TMEM131: variants seen among roughly 807,000 people sequenced by gnomAD.
The protein encoded by TMEM131 is transmembrane protein 131, also known as 2610524E03Rik.
A neutral mutation model predicts 211.6 loss-of-function variants in TMEM131; 66 were observed. That is an observed-to-expected ratio of 0.31 (90% CI 0.26 to 0.38). TMEM131 has a LOEUF of 0.38. Among genes scored for constraint, TMEM131 ranks in the 10% least tolerant of loss-of-function variants. TMEM131 has a pLI of 1.00. For missense variants in TMEM131, 2,036 were observed against 2,299.3 expected (o/e 0.89, Z 2.34); for synonymous variants, 844 against 841.3 (o/e 1.00, Z -0.06).
chr2:97,860,839 T>G (rs1378411004), intron 4 of TMEM131, among the ~76,000 whole-genome samples: 1 of 152,192 alleles, frequency 6.6e-6, no homozygotes, highest in East Asian at 1.9e-4. Flanking sequence ...CTCACAGTAC[T>G]TGGTTTGGTT....
chr2:97,981,187 CTTTTTTAAGGTGCATAATGATCCATTA>C (rs936562927), intron 1 of TMEM131, among the ~76,000 whole-genome samples: 3 of 151,138 alleles, frequency 2.0e-5, no homozygotes, highest in African/African-American at 7.3e-5. Flanking sequence ...TTTCCTCATT[CTTTTTTAAGGTGCATAATGATCCATTA>C]TGTGGATGTA....
intron 2 of TMEM131, among the ~76,000 whole-genome samples, chr2:97,924,195 G>A (rs146937553): frequency 1.4e-4 from 21 of 152,038 alleles, no homozygotes; most frequent in African/African-American, 2.7e-4. Context: ...GGCCAGCCTG[G>A]GCAACATAGA....
chr2:97,990,511 A>G (rs572568142), intron 1 of TMEM131, among the ~76,000 whole-genome samples: 109 of 152,314 alleles, frequency 7.2e-4, no homozygotes, highest in African/African-American at 2.4e-3. Context: ...CAGCCCTATC[A>G]CGCTGGGTAT....
chr2:97,958,785 A>C (rs773653798), intron 1 of TMEM131, among the ~76,000 whole-genome samples: 1 of 152,234 alleles, frequency 6.6e-6, no homozygotes, highest in African/African-American at 2.4e-5. Context: ...CAGTACTTGA[A>C]CTTGGGGAAA....
chr2:97,967,648 G>C (rs1444125153), intron 1 of TMEM131, among the ~76,000 whole-genome samples: 1 of 152,124 alleles, frequency 6.6e-6, no homozygotes, highest in Non-Finnish European at 1.5e-5. Context: ...GTTGATAGTG[G>C]GGGGAGAGAA....
In TMEM131 at chr2:97,817,325, C is replaced by T. The variant is rs567815178; in HGVS notation, c.1183+1288G>A. Among the ~76,000 whole-genome samples the T allele has an allele frequency of 5.3e-5, 8 of 152,280 alleles. No individual in the cohort carries two copies. The East Asian group carries it at 7.7e-4, about 15-fold the overall frequency. ...TATCCTGGCTGGGTGCAGTGCCTCA[C>T]GTCGGTAATCCCAGCACTTTGCCAG... On this transcript the variant is annotated intron_variant, in intron 12 of 40. Coordinates refer to ENST00000186436, the MANE Select transcript of TMEM131 (RefSeq NM_015348.2).
chr2:97,786,772 G>C (rs1450015113), intron 31 of TMEM131, among the ~76,000 whole-genome samples: 1 of 152,224 alleles, frequency 6.6e-6, no homozygotes, highest in Non-Finnish European at 1.5e-5. Context: ...AAGATGCTGG[G>C]TTTGACGGGG....
intron 2 of TMEM131, among the ~76,000 whole-genome samples, chr2:97,927,143 T>C (rs1452006734): frequency 6.6e-6 from 1 of 152,200 alleles, no homozygotes; most frequent in African/African-American, 2.4e-5. Context: ...CCACTCTCTA[T>C]TACATTTCTC....
At chr2:97,829,610 A>G (rs1413628156) in intron 11 of TMEM131, among the ~76,000 whole-genome samples, 1 of 152,220 alleles carries the variant, frequency 6.6e-6, no homozygotes, top group Non-Finnish European at 1.5e-5. Flanking sequence ...AGCAGAGGCA[A>G]CTAGGGTCCC....
At chr2:97,885,347 A>C (rs2104236694) in intron 4 of TMEM131, among the ~76,000 whole-genome samples, 1 of 149,882 alleles carries the variant, frequency 6.7e-6, no homozygotes, top group South Asian at 2.1e-4. Context: ...GCCCGCCACC[A>C]CGCCCAGCTA....
chr2:97,779,389 A>C (rs1272565138), intron 31 of TMEM131, among the ~76,000 whole-genome samples: 1 of 152,186 alleles, frequency 6.6e-6, no homozygotes, highest in Admixed American at 6.5e-5. Flanking sequence ...CCCCACAGGG[A>C]GTGGCCTCTG....
chr2:97,874,693 C>G (rs868528929), intron 4 of TMEM131, among the ~76,000 whole-genome samples: 1 of 152,168 alleles, frequency 6.6e-6, no homozygotes, highest in African/African-American at 2.4e-5. Context: ...CTGTCACCAC[C>G]AGGCCTGCCT....
At chr2:97,947,737 A>G (rs764393666) in intron 1 of TMEM131, among the ~76,000 whole-genome samples, 1 of 152,170 alleles carries the variant, frequency 6.6e-6, no homozygotes, top group Non-Finnish European at 1.5e-5. Context: ...AAAATAGTAA[A>G]AAGAATTTTG....
intron 5 of TMEM131, among the ~76,000 whole-genome samples, chr2:97,856,813 G>GA: frequency 6.6e-6 from 1 of 152,000 alleles, no homozygotes; most frequent in Non-Finnish European, 1.5e-5. Flanking sequence ...TTATTGTAGG[G>GA]AAAAAAAGAT....
At chr2:97,922,536 A>G (rs924606292) in intron 2 of TMEM131, among the ~76,000 whole-genome samples, 3 of 152,216 alleles carry the variant, frequency 2.0e-5, no homozygotes, top group Non-Finnish European at 4.4e-5. Context: ...CTATTCAGCA[A>G]TGAAACTGAA....
intron 31 of TMEM131, among the ~76,000 whole-genome samples, chr2:97,780,058 CA>C (rs540862030): frequency 6.7e-6 from 1 of 149,842 alleles, no homozygotes; most frequent in South Asian, 2.1e-4. Flanking sequence ...AACAAACAAA[CA>C]AAAAAAAACA....
intron 32 of TMEM131, among the ~76,000 whole-genome samples, chr2:97,774,741 C>T (rs531151659): frequency 8.5e-4 from 129 of 152,236 alleles, no homozygotes; most frequent in Non-Finnish European, 1.5e-3. Context: ...AAATGCCTTC[C>T]GAACGCTGAT....
chr2:97,796,530 A>T lies in TMEM131; in HGVS notation c.3014-126T>A, dbSNP rs981333892. On this transcript the variant is annotated intron_variant, in intron 27 of 40. Transcript: ENST00000186436. ...TATAAACCATCCCTGCATGTCAGAGAGATCAGCTGTTCCTCAGATTTCATC... is the reference window on the plus strand; with the variant it reads ...TATAAACCATCCCTGCATGTCAGAGTGATCAGCTGTTCCTCAGATTTCATC... The T allele has an allele frequency of 1.9e-5, 13 of 683,606 alleles. No homozygotes were observed. In the African/African-American group the frequency reaches 2.0e-4, roughly 11 times the overall value. 42.3% of individuals were successfully genotyped at this position (683,606 alleles called of 1,614,324 possible). A position where few individuals can be genotyped will look rare whatever the true frequency, so the allele number is the denominator to read the frequency against.
chr2:97,956,218 T>C (rs980193465), intron 1 of TMEM131, among the ~76,000 whole-genome samples: 2 of 152,196 alleles, frequency 1.3e-5, no homozygotes, highest in African/African-American at 4.8e-5. Context: ...GCCCAATTGA[T>C]TTTGATACAA....
Sources: allele counts gnomAD v4.1 joint callset (sites outside exome capture counted in the v4.1 genomes callset), GRCh38; gene constraint gnomAD v4.1.1; transcripts MANE v1.5; gene names NCBI Gene and HGNC (gene_info 2026-07-23, HGNC 2026-07-21).